Variants in PALM2AKAP2 observed in about 807,000 individuals in gnomAD.
PALM2AKAP2 encodes PALM2 and AKAP2 fusion, also known as PALM2-AKAP2 fusion protein.
A neutral mutation model predicts 71.5 loss-of-function variants in PALM2AKAP2; 37 were observed. The ratio of observed to expected loss-of-function variants is 0.52; its 90% CI spans 0.40 to 0.68. The LOEUF (loss-of-function observed/expected upper bound fraction) is 0.68. Among genes scored for constraint, PALM2AKAP2 ranks in the 30% least tolerant of loss-of-function variants. The probability of loss-of-function intolerance (pLI) is 0.00; values close to 1 mark genes in which losing one functional copy is unlikely to be tolerated. For missense variants in PALM2AKAP2, 1,224 were observed against 1,191.8 expected (o/e 1.03, Z -0.40); for synonymous variants, 468 against 478.8 (o/e 0.98, Z 0.29).
At chr9:109,886,883 A>C (rs1320938491) in intron 3 of PALM2AKAP2, among the ~76,000 whole-genome samples, 1 of 152,260 alleles carries the variant, frequency 6.6e-6, no homozygotes, top group Non-Finnish European at 1.5e-5. Context: ...CATCACAGAG[A>C]TGACTAATTC....
At position 109,988,922 on chromosome 9, in the gene PALM2AKAP2, T is replaced by C. The variant is rs1832426092; in HGVS notation, c.497-27032T>C. On this transcript the variant is annotated intron_variant, in intron 6 of 9. Coordinates refer to the PALM2AKAP2 transcript ENST00000302798. ...AGTGAATAAGTCTCACAAGATCTGG[T>C]GGTTTTATAAGGGGAAACCCCTTTT... Among the ~76,000 whole-genome samples, 3 of 152,328 alleles carry C rather than the reference T, an allele frequency of 2.0e-5. No homozygotes were observed. The South Asian group carries it at 6.2e-4, about 32-fold the overall frequency.
intron 3 of PALM2AKAP2, among the ~76,000 whole-genome samples, chr9:109,921,463 G>A (rs2131946409): frequency 6.6e-6 from 1 of 152,302 alleles, no homozygotes; most frequent in Middle Eastern, 3.4e-3. Flanking sequence ...TCTAGACATT[G>A]CTGAATATCC....
chr9:110,006,054 C>A (rs1279630165), intron 6 of PALM2AKAP2, among the ~76,000 whole-genome samples: 1 of 152,188 alleles, frequency 6.6e-6, no homozygotes, highest in East Asian at 1.9e-4. Flanking sequence ...GTCCAACAAT[C>A]CCCAGTGAGA....
Position 109,689,456 on chromosome 9 carries a change from A to T in PALM2AKAP2, c.5+48590A>T, listed in dbSNP as rs191975932. 1.2e-3 allele frequency among the ~76,000 whole-genome samples: 179 copies of T among 152,002 alleles called. 1 individual carries two copies. The highest frequency in any genetic ancestry group is 4.0e-3 in the African/African-American group (168 of 41,492). Reference sequence around the variant, plus strand: ...CTCAGGTGATCCACCCGCCTCGGCCACCCAAAGTGCTGGGATTACAGGCGT... The same window carrying T: ...CTCAGGTGATCCACCCGCCTCGGCCTCCCAAAGTGCTGGGATTACAGGCGT... On this transcript the variant is annotated intron_variant, in intron 1 of 6. Transcript: ENST00000374531.
At chr9:109,702,586 C>A (rs1587874057) in intron 1 of PALM2AKAP2, among the ~76,000 whole-genome samples, 1 of 114,276 alleles carries the variant, frequency 8.8e-6, no homozygotes, top group South Asian at 3.1e-4. Flanking sequence ...ACACCGGGGC[C>A]TGTTGTGGGG....
At chr9:110,017,005 G>C (rs969942147) in intron 7 of PALM2AKAP2, among the ~76,000 whole-genome samples, 1 of 152,000 alleles carries the variant, frequency 6.6e-6, no homozygotes, top group Non-Finnish European at 1.5e-5. Context: ...TCAGCCTCCT[G>C]AGTAGCTGGG....
At chr9:109,839,885 A>G (rs529687809) in intron 1 of PALM2AKAP2, among the ~76,000 whole-genome samples, 307 of 152,378 alleles carry the variant, frequency 2.0e-3, no homozygotes, top group Non-Finnish European at 3.7e-3. Flanking sequence ...AAATGGAAGA[A>G]TATTCCATGC....
At chr9:110,171,852 G>A (rs898588236) in exon 4 of PALM2AKAP2, 3 of 152,622 alleles carry the variant, frequency 2.0e-5, no homozygotes, top group East Asian at 1.9e-4. Context: ...TTCCTCCAGA[G>A]CTGATTAACT....
chr9:109,829,106 T>C (rs1350233134), intron 1 of PALM2AKAP2, among the ~76,000 whole-genome samples: 1 of 152,202 alleles, frequency 6.6e-6, no homozygotes, highest in African/African-American at 2.4e-5. Flanking sequence ...GAGGAAATAT[T>C]GTTTACTTAT....
chr9:110,065,271 C>G (rs1380764426), intron 1 of PALM2AKAP2, among the ~76,000 whole-genome samples: 1 of 152,136 alleles, frequency 6.6e-6, no homozygotes, highest in Non-Finnish European at 1.5e-5. Context: ...ACTCTGTCAC[C>G]AGGCTAGAGT....
intron 1 of PALM2AKAP2, among the ~76,000 whole-genome samples, chr9:109,815,324 A>G (rs946063779): frequency 6.6e-6 from 1 of 152,236 alleles, no homozygotes; most frequent in Non-Finnish European, 1.5e-5. Context: ...CGGAATATAC[A>G]TGTGAGATGC....
intron 1 of PALM2AKAP2, among the ~76,000 whole-genome samples, chr9:110,068,350 G>C (rs1413912581): frequency 6.7e-6 from 1 of 149,306 alleles, no homozygotes; most frequent in Non-Finnish European, 1.5e-5. Flanking sequence ...AAGGGGTATG[G>C]GTGGTGGTAG....
chr9:110,080,069 C>CAAAA (rs147710381), intron 1 of PALM2AKAP2, among the ~76,000 whole-genome samples: 3 of 75,544 alleles, frequency 4.0e-5, no homozygotes, highest in African/African-American at 1.1e-4. Flanking sequence ...GACTCTGTCT[C>CAAAA]AAAAAAAAAA....
At chr9:109,961,264 A>G (rs554795599) in intron 6 of PALM2AKAP2, among the ~76,000 whole-genome samples, 1 of 152,382 alleles carries the variant, frequency 6.6e-6, no homozygotes, top group South Asian at 2.1e-4. Context: ...TGCAGGAATC[A>G]GTTTATACCC....
chr9:109,828,718 T>C (rs1828220856), intron 1 of PALM2AKAP2, among the ~76,000 whole-genome samples: 2 of 152,268 alleles, frequency 1.3e-5, no homozygotes, highest in South Asian at 4.1e-4. Context: ...TCATTGTACT[T>C]TGGCTTTTTG....
At chr9:109,716,843 T>A (rs1459916090) in intron 1 of PALM2AKAP2, among the ~76,000 whole-genome samples, 1 of 152,176 alleles carries the variant, frequency 6.6e-6, no homozygotes, top group Admixed American at 6.5e-5. Context: ...GTGGTTAGGT[T>A]TGGCTTTTGG....
intron 1 of PALM2AKAP2, among the ~76,000 whole-genome samples, chr9:109,729,807 C>T (rs561304537): frequency 3.2e-4 from 49 of 152,222 alleles, no homozygotes; most frequent in African/African-American, 1.1e-3. Context: ...ATTCCTGCCC[C>T]GGAGGACACT....
chr9:109,731,976 C>G (rs1373238479), intron 1 of PALM2AKAP2, among the ~76,000 whole-genome samples: 2 of 152,168 alleles, frequency 1.3e-5, no homozygotes, highest in Non-Finnish European at 2.9e-5. Flanking sequence ...AAATAACGTC[C>G]TGGCCAGATT....
chr9:109,723,467 A>G (rs185518569), intron 1 of PALM2AKAP2, among the ~76,000 whole-genome samples: 206 of 152,326 alleles, frequency 1.4e-3, no homozygotes, highest in Non-Finnish European at 2.7e-3. Context: ...CCTGCTGACA[A>G]TGGAACTCAT....
Sources: gnomAD v4.1 joint callset for allele counts (sites outside exome capture counted in the v4.1 genomes callset) on GRCh38, gnomAD v4.1.1 for gene constraint, MANE v1.5 for transcripts, NCBI Gene and HGNC (gene_info 2026-07-23, HGNC 2026-07-21) for gene names.